Variants in ZMAT1 observed in about 807,000 individuals in gnomAD.
ZMAT1 encodes zinc finger matrin-type 1, also known as zinc finger matrin-type protein 1.
In ZMAT1, 11 loss-of-function variants were observed where a neutral mutation model predicts 18.5. That is an observed-to-expected ratio of 0.59 (90% confidence interval 0.37 to 0.98). The LOEUF (loss-of-function observed/expected upper bound fraction) is 0.98. ZMAT1 is among the 50% of genes least tolerant of loss of function. The probability of loss-of-function intolerance (pLI) is 0.01; values close to 1 mark genes in which losing one functional copy is unlikely to be tolerated. For synonymous variants in ZMAT1, 211 were observed against 176.4 expected (o/e 1.20, Z -1.55); for missense variants, 525 against 496.2 (o/e 1.06, Z -0.55).
intron 4 of ZMAT1, among the ~76,000 whole-genome samples, chrX:101,896,870 C>A (rs777083721): frequency 1.6e-5 from 1 of 63,316 alleles, no homozygotes; most frequent in African/African-American, 9.9e-5. Flanking sequence ...AGGAAAGATG[C>A]AATGTTTTTA....
intron 2 of ZMAT1, among the ~76,000 whole-genome samples, chrX:101,902,577 T>C (rs765771814): frequency 9.0e-6 from 1 of 111,191 alleles, no homozygotes; most frequent in Non-Finnish European, 1.9e-5. Context: ...TAGCATACAA[T>C]AGAGGTGCCA....
chrX:101,911,464 A>G, intron 1 of ZMAT1: 5 of 619,020 alleles, frequency 8.1e-6, no homozygotes, highest in Non-Finnish European at 1.2e-5. Flanking sequence ...ATCAAAAAGA[A>G]TAACTACAAC....
intron 4 of ZMAT1, chrX:101,890,197 T>C (rs1359289205): frequency 8.9e-6 from 1 of 112,065 alleles, no homozygotes; most frequent in Non-Finnish European, 1.9e-5. Context: ...TTTGCAAATA[T>C]GAATTGAGAA....
At chrX:101,899,956 G>A (rs986488140) in intron 2 of ZMAT1, among the ~76,000 whole-genome samples, 16 of 111,526 alleles carry the variant, frequency 1.4e-4, no homozygotes, top group African/African-American at 4.6e-4. Flanking sequence ...CCACATCCAC[G>A]CCAACACTAC....
At chrX:101,885,627 T>C (rs1335657072) in intron 5 of ZMAT1, among the ~76,000 whole-genome samples, 2 of 112,100 alleles carry the variant, frequency 1.8e-5, no homozygotes, top group Non-Finnish European at 3.8e-5. Context: ...AAATATTTTC[T>C]ACTAGAATAA....
chrX:101,890,884 ATTG>A (rs1318000569), intron 4 of ZMAT1, among the ~76,000 whole-genome samples: 1 of 111,525 alleles, frequency 9.0e-6, no homozygotes, highest in Non-Finnish European at 1.9e-5. Context: ...AAAATTTGGA[ATTG>A]TTGTAGAGTA....
intron 4 of ZMAT1, chrX:101,889,718 C>T (rs1274980366): frequency 9.0e-6 from 1 of 111,194 alleles, no homozygotes; most frequent in Non-Finnish European, 1.9e-5. Context: ...GGGGAAAAGC[C>T]AATTGAGAGC....
intron 2 of ZMAT1, among the ~76,000 whole-genome samples, 188 bp downstream of exon 2, chrX:101,904,036 T>C (rs1928432133): frequency 9.0e-6 from 1 of 111,692 alleles, no homozygotes; most frequent in Non-Finnish European, 1.9e-5. Context: ...AGTTTAAATC[T>C]GAATTCCCCA....
Position 101,884,280 on chromosome X carries a change from T to C in ZMAT1, c.1318A>G (p.Thr440Ala), listed in dbSNP as rs756493009. 3 of 1,209,801 alleles carry C rather than the reference T, an allele frequency of 2.5e-6. No homozygotes were observed. Among genetic ancestry groups the C allele is most frequent in the Admixed American group, 2.2e-5 (1 of 45,783 alleles). Residue 440 changes from threonine to alanine, a missense_variant, in exon 6 of 6, where the codon ACC becomes GCC. Coordinates refer to ENST00000651725, the MANE Select transcript of ZMAT1 (RefSeq NM_001394560.1). The stretch of plus-strand genomic sequence containing the variant: ...GAATCATATGTCCTCTTTGAATGGG[T>C]TGGTAGCCACTGAGGTAACTGGCTT... ...VESQLPQWLP[T>A]HSKRTYDSFQ...
chrX:101,929,686 T>C (rs1290440270), intron 1 of ZMAT1, among the ~76,000 whole-genome samples: 1 of 110,260 alleles, frequency 9.1e-6, no homozygotes, highest in Non-Finnish European at 1.9e-5. Context: ...TGCTAGTAAA[T>C]TGTCTCAACA....
At chrX:101,888,793 T>A in intron 4 of ZMAT1, 1 of 112,167 alleles carries the variant, frequency 8.9e-6, no homozygotes, top group Middle Eastern at 4.6e-3. Flanking sequence ...CCAAGGTAAT[T>A]CTTCTTCCAA....
chrX:101,929,900 C>T (rs1930375328), intron 1 of ZMAT1, among the ~76,000 whole-genome samples: 1 of 110,860 alleles, frequency 9.0e-6, no homozygotes, highest in Admixed American at 9.6e-5. Flanking sequence ...TCCCTTATTT[C>T]AAAAATGTCA....
chrX:101,902,903 TA>T (rs1159329539), intron 2 of ZMAT1, among the ~76,000 whole-genome samples: 1 of 111,612 alleles, frequency 9.0e-6, no homozygotes, highest in Non-Finnish European at 1.9e-5. Flanking sequence ...ATCTTTTTTG[TA>T]AAAATGCATG....
chrX:101,884,104 C>T lies in ZMAT1; in HGVS notation c.1494G>A (p.Glu498=), dbSNP rs140962777. ...VDVRPRHRML[E]QKLPCETFQT... ...GGAAAGTCTCACATGGGAGCTTTTG[C>T]TCCAACATTCTATGTCTGGGTCTGA... The change falls in exon 6 of 6, where the codon GAG becomes GAA. Residue 498 remains glutamate (E), a synonymous_variant. Transcript: ENST00000651725. 31 of 1,207,686 alleles carry T rather than the reference C, an allele frequency of 2.6e-5. No homozygotes were observed. The highest frequency in any genetic ancestry group is 1.1e-4 in the Admixed American group (5 of 45,729).
intron 1 of ZMAT1, among the ~76,000 whole-genome samples, chrX:101,912,925 G>C (rs1248296957): frequency 2.7e-5 from 3 of 111,722 alleles, no homozygotes; most frequent in Non-Finnish European, 5.6e-5. Context: ...TTTCTCTGCA[G>C]AACTCGCATT....
At chrX:101,906,483 C>T (rs1928631992) in intron 1 of ZMAT1, among the ~76,000 whole-genome samples, 1 of 110,868 alleles carries the variant, frequency 9.0e-6, no homozygotes, top group Non-Finnish European at 1.9e-5. Context: ...CCTCCAGTCC[C>T]ACCCCAGAAC....
chrX:101,900,616 A>G (rs1928154175), intron 2 of ZMAT1, among the ~76,000 whole-genome samples: 1 of 111,190 alleles, frequency 9.0e-6, no homozygotes, highest in South Asian at 3.7e-4. Flanking sequence ...GGCTTTAAGT[A>G]TTAGGGTTTA....
chrX:101,883,851 T>C lies in ZMAT1; in HGVS notation c.1747A>G (p.Asn583Asp). The C allele has an allele frequency of 8.3e-7, 1 of 1,210,746 alleles. No homozygotes were observed. ...EVYKHLSSEN[N>D]TADHQAGHKR... is the part of the protein sequence containing the mutation. ...TGACCTGCTTGATGGTCAGCAGTAT[T>C]GTTTTCTGAAGAGAGGTGCTTGTAA... The change falls in exon 6 of 6, where the codon AAT becomes GAT. Residue 583 changes from asparagine to aspartate, a missense_variant. Physicochemically the swap from Asn to Asp is conservative, Grantham distance 23. Transcript: ENST00000651725.
Position 101,883,423 on chromosome X carries a change from C to T in ZMAT1, c.*87G>A. On this transcript the variant is annotated 3_prime_UTR_variant, in exon 6 of 6. Transcript: ENST00000651725. ...GTGACACTGACTGTATCTACCTCTCCTTTTCTTCATCAGGTGTTCCTTTTT... is the reference window on the plus strand; with the variant it reads ...GTGACACTGACTGTATCTACCTCTCTTTTTCTTCATCAGGTGTTCCTTTTT... 1 of 803,351 alleles carries T rather than the reference C, an allele frequency of 1.2e-6. No homozygotes were observed. The highest frequency in any genetic ancestry group is 1.7e-6 in the Non-Finnish European group (1 of 577,419). The allele number at this position is 803,351 out of a possible 1,213,427, so 66.2% of individuals were successfully genotyped here.
Sources: allele counts gnomAD v4.1 joint callset (sites outside exome capture counted in the v4.1 genomes callset), GRCh38; gene constraint gnomAD v4.1.1; transcripts MANE v1.5; gene names NCBI Gene and HGNC (gene_info 2026-07-23, HGNC 2026-07-21).